TNS1: variants seen among roughly 807,000 people sequenced by gnomAD.
TNS1 encodes tensin-1.
Under a neutral mutation model 168.6 loss-of-function variants are expected in TNS1, and 62 were observed. That is an observed-to-expected ratio of 0.37 (90% CI 0.30 to 0.45). The LOEUF is 0.45. TNS1 is among the 20% of genes least tolerant of loss of function. TNS1 has a pLI of 1.00. For synonymous variants in TNS1, 934 were observed against 933.2 expected (o/e 1.00, Z -0.02); for missense variants, 2,240 against 2,339.4 (o/e 0.96, Z 0.88).
chr2:218,009,373 T>TCC (rs1325628502), intron 1 of TNS1, among the ~76,000 whole-genome samples: 1 of 150,648 alleles, frequency 6.6e-6, no homozygotes, highest in African/African-American at 2.5e-5. Flanking sequence ...ACGTCTATAC[T>TCC]CCCCCCACCC....
At position 217,802,701 on chromosome 2, in the gene TNS1, G is replaced by C. The variant is rs1937637499; in HGVS notation, c.*1758C>G. 6.6e-6 allele frequency: 1 copy of C among 152,646 alleles called. No homozygotes were observed. Among genetic ancestry groups the C allele is most frequent in the Non-Finnish European group, 1.5e-5 (1 of 68,046 alleles). 9.5% of individuals were successfully genotyped at this position (152,646 alleles called of 1,614,324 possible). ...GGCTTTACTTACACATATAAAAAAGGATAGGAATTGGTTTATCCCCAAGGA... is the reference window on the plus strand; with the variant it reads ...GGCTTTACTTACACATATAAAAAAGCATAGGAATTGGTTTATCCCCAAGGA... On this transcript the variant is annotated 3_prime_UTR_variant, in exon 33 of 33. Transcript: ENST00000682258.
intron 4 of TNS1, among the ~76,000 whole-genome samples, chr2:217,918,814 C>T (rs1955408428): frequency 6.9e-6 from 1 of 144,812 alleles, no homozygotes; most frequent in Non-Finnish European, 1.5e-5. Flanking sequence ...TTCTTGCTGG[C>T]AGTTCCAAGC....
rs138956630 is a variant in TNS1 at position 217,818,502 on chromosome 2, G to A, written c.3830C>T (p.Thr1277Met). The stretch of plus-strand genomic sequence containing the variant: ...GCGCGCCTGAGGGCTCCCAGGCACC[G>A]TGTGGACGCCAGCCACACTGAACTG... ...RAQFSVAGVH[T>M]VPGSPQARHR... Residue 1277 changes from threonine (T) to methionine (M), a missense_variant, in exon 24 of 33, where the codon ACG becomes ATG. Around this residue, in one of 2 missense-constraint regions of TNS1, gnomAD observed 2,131 missense variants for 2,171.2 expected, o/e 0.98. Transcript: ENST00000682258. 1.9e-4 allele frequency: 301 copies of A among 1,614,232 alleles called. No homozygotes were observed. Among genetic ancestry groups the A allele is most frequent in the Non-Finnish European group, 2.2e-4 (260 of 1,180,046 alleles).
At chr2:218,007,945 G>A (rs903453292), upstream of TNS1, among the ~76,000 whole-genome samples, 14 of 152,124 alleles carry the variant, frequency 9.2e-5, no homozygotes, top group Non-Finnish European at 2.1e-4. Context: ...GACATGGTCT[G>A]GGGGAGGCCC....
In TNS1 at chr2:217,997,789, T is replaced by C. The variant is rs570645245; in HGVS notation, c.33+5051A>G. On this transcript the variant is annotated intron_variant, in intron 1 of 32. Transcript: ENST00000682258. Reference sequence around the variant, plus strand: ...AGTCGGTGGAATGGGGCCTGGCGCATGGTGAGCGCTCAGCAGCGGTGAGCG... The same window carrying C: ...AGTCGGTGGAATGGGGCCTGGCGCACGGTGAGCGCTCAGCAGCGGTGAGCG... 2.5e-3 allele frequency among the ~76,000 whole-genome samples: 382 copies of C among 152,292 alleles called. 4 individuals carry two copies. In the South Asian group the frequency reaches 0.031, roughly 12 times the overall value.
At chr2:217,881,070 G>C in intron 17 of TNS1, 56 bp from the exon 18 acceptor site, 3 of 1,251,608 alleles carry the variant, frequency 2.4e-6, no homozygotes, top group Non-Finnish European at 2.3e-6. Flanking sequence ...AGAGGGAAAA[G>C]AGATCAGCAG....
intron 30 of TNS1, among the ~76,000 whole-genome samples, chr2:217,809,153 A>C (rs1939867704): frequency 6.6e-6 from 1 of 152,124 alleles, no homozygotes. Context: ...GGGATAGATG[A>C]GGGATGAATA....
intron 29 of TNS1, 59 bp downstream of exon 29, chr2:217,810,189 A>G: frequency 6.3e-7 from 1 of 1,584,652 alleles, no homozygotes; most frequent in Non-Finnish European, 8.7e-7. Flanking sequence ...AGGAGGGGTC[A>G]GGGCAGGAAG....
chr2:217,906,265 T>TCCCCC, intron 6 of TNS1, 70 bp downstream of exon 6: 1 of 596,288 alleles, frequency 1.7e-6, no homozygotes, highest in Non-Finnish European at 3.1e-6. Flanking sequence ...ATTATCCACC[T>TCCCCC]CCCACCCCAC....
intron 18 of TNS1, among the ~76,000 whole-genome samples, chr2:217,858,997 C>T (rs1376875505): frequency 8.8e-5 from 12 of 136,608 alleles, no homozygotes; most frequent in Admixed American, 2.2e-4. Context: ...GCTCAACTCT[C>T]ACCCAGCACA....
chr2:217,963,733 T>C (rs1401987705), intron 3 of TNS1, among the ~76,000 whole-genome samples: 10 of 146,316 alleles, frequency 6.8e-5, no homozygotes, highest in Non-Finnish European at 1.2e-4. Context: ...CATGAAAATA[T>C]GTACATTTAC....
intron 18 of TNS1, among the ~76,000 whole-genome samples, chr2:217,863,296 C>A (rs1291323408): frequency 6.7e-6 from 1 of 150,032 alleles, no homozygotes; most frequent in African/African-American, 2.5e-5. Flanking sequence ...GAAAGAGGAG[C>A]ACCCCCAGGT....
At chr2:218,016,800 G>A (rs1016184284) in intron 1 of TNS1, among the ~76,000 whole-genome samples, 4 of 152,198 alleles carry the variant, frequency 2.6e-5, no homozygotes, top group African/African-American at 9.7e-5. Context: ...AAGCCAGTGT[G>A]AGTGGTGAGA....
intron 3 of TNS1, among the ~76,000 whole-genome samples, chr2:217,926,653 G>A (rs1208022186): frequency 6.6e-6 from 1 of 152,232 alleles, no homozygotes; most frequent in African/African-American, 2.4e-5. Context: ...ACTAGTGGTA[G>A]TCATTGTGGC....
In TNS1 at chr2:218,002,735, A is replaced by AC. The variant is rs1406346552; in HGVS notation, c.33+104dup. ...GAAAGGCCCCTCCTTCAAGACTGAC[A>AC]CCCCCCGACCCCGGGCTCTCAGCAA... On this transcript the variant is annotated intron_variant, in intron 1 of 32. Coordinates refer to ENST00000682258, the MANE Select transcript of TNS1 (RefSeq NM_001387777.1). The AC allele has an allele frequency of 1.3e-4, 58 of 453,712 alleles. No homozygotes were observed. In the East Asian group the frequency reaches 2.4e-3, roughly 19 times the overall value. The allele number at this position is 453,712 out of a possible 1,614,324, so 28.1% of individuals were successfully genotyped here.
rs938226229 is a variant in TNS1, at chr2:217,948,572, C to T, written c.187-28336G>A. 1.3e-5 allele frequency among the ~76,000 whole-genome samples: 2 copies of T among 152,140 alleles called. No individual in the cohort carries two copies. The highest frequency in any genetic ancestry group is 4.1e-4 in the South Asian group (2 of 4,832). On this transcript the variant is annotated intron_variant, in intron 3 of 32. Coordinates refer to ENST00000682258, the MANE Select transcript of TNS1 (RefSeq NM_001387777.1). The surrounding 1 kb of genome is among the most constrained non-coding windows in gnomAD (Gnocchi z 4.1). ...TCCCCGCTACAGCTAGAGATGAGTT[C>T]GGGCTGTCTCCCAGGGTGCTTCCAT...
At chr2:217,895,442 C>T (rs888057427) in intron 8 of TNS1, among the ~76,000 whole-genome samples, 14 of 152,162 alleles carry the variant, frequency 9.2e-5, no homozygotes, top group South Asian at 4.1e-4. Context: ...GCGGATGTCC[C>T]GAATGGAAGA....
intron 9 of TNS1, among the ~76,000 whole-genome samples, chr2:217,894,147 T>C (rs1952028975): frequency 6.6e-6 from 1 of 152,098 alleles, no homozygotes; most frequent in African/African-American, 2.4e-5. Flanking sequence ...CCTCTCAAAA[T>C]CTTTCTAGAC....
chr2:217,849,132 T>G (rs760690988), intron 18 of TNS1, 45 bp from the exon 19 acceptor site: 1 of 1,569,912 alleles, frequency 6.4e-7, no homozygotes. Context: ...CAACAGACAT[T>G]AGCGGGAGGC....
Sources: allele counts gnomAD v4.1 joint callset (sites outside exome capture counted in the v4.1 genomes callset), GRCh38; gene constraint gnomAD v4.1.1; regional missense constraint gnomAD v4.1.1; non-coding constraint Gnocchi (gnomAD v3.1); transcripts MANE v1.5; gene names NCBI Gene and HGNC (gene_info 2026-07-23, HGNC 2026-07-21).